The following ATAD2B variants were observed in gnomAD, a reference collection of about 807,000 sequenced individuals.
The protein encoded by ATAD2B is ATPase family AAA domain-containing protein 2B.
A neutral mutation model predicts 167.6 loss-of-function variants in ATAD2B; 40 were observed. The ratio of observed to expected loss-of-function variants is 0.24; its 90% CI spans 0.19 to 0.31. The LOEUF (loss-of-function observed/expected upper bound fraction) is 0.31, where lower values mean the gene tolerates loss of function less well. ATAD2B is among the 10% of genes least tolerant of loss of function. ATAD2B has a pLI of 1.00. For synonymous variants in ATAD2B, 579 were observed against 596.5 expected (o/e 0.97, Z 0.43); for missense variants, 1,242 against 1,757.2 (o/e 0.71, Z 5.24).
At chr2:23,760,725 C>CATAT (rs1676599050) in intron 24 of ATAD2B, among the ~76,000 whole-genome samples, 1 of 138,860 alleles carries the variant, frequency 7.2e-6, no homozygotes, top group South Asian at 2.3e-4. Context: ...CACACACACA[C>CATAT]ACACATATAC....
At position 23,926,725 on chromosome 2, in the gene ATAD2B, A is replaced by C; in HGVS notation, c.46T>G (p.Ser16Ala). The C allele has an allele frequency of 1.3e-6, 2 of 1,548,780 alleles. No individual in the cohort carries two copies. The highest frequency in any genetic ancestry group is 1.7e-6 in the Non-Finnish European group (2 of 1,146,522). Reference sequence around the variant, plus strand: ...CCAGGCCCAGGCCCGGGACCAGGAGACTTGGACCCGAGAAGGCGGAGAGAG... The same window carrying C: ...CCAGGCCCAGGCCCGGGACCAGGAGCCTTGGACCCGAGAAGGCGGAGAGAG... Reference protein sequence around the residue: ...KSSLRLLGSKSPGPGPGPGAG... With the variant: ...KSSLRLLGSKAPGPGPGPGAG... The change falls in exon 1 of 28, where the codon TCT becomes GCT. Residue 16 changes from serine (S) to alanine (A), a missense_variant. By Grantham distance (99) the Ser-to-Ala change is moderately conservative. Around this residue, in one of 9 missense-constraint regions of ATAD2B, gnomAD observed 199 missense variants for 194.9 expected, o/e 1.02. Transcript: ENST00000238789.
At chr2:23,888,313 A>G in intron 3 of ATAD2B, 37 bp downstream of exon 3, 2 of 1,416,534 alleles carry the variant, frequency 1.4e-6, no homozygotes, top group Non-Finnish European at 2.0e-6. Context: ...CATTGTAAGA[A>G]TTTTAAAACT....
chr2:23,765,739 G>C (rs1350492691), intron 22 of ATAD2B, 111 bp from the exon 23 acceptor site: 1 of 650,756 alleles, frequency 1.5e-6, no homozygotes, highest in Non-Finnish European at 2.3e-6. Flanking sequence ...GCATTGCTAG[G>C]TGAGAAAAAG....
chr2:23,892,421 C>CT (rs1254570468), intron 2 of ATAD2B, among the ~76,000 whole-genome samples: 1 of 151,954 alleles, frequency 6.6e-6, no homozygotes, highest in East Asian at 1.9e-4. Context: ...GCCTCGGCCT[C>CT]CCAAAGTGCT....
chr2:23,905,116 A>C (rs1281866658), intron 1 of ATAD2B, among the ~76,000 whole-genome samples: 1 of 152,218 alleles, frequency 6.6e-6, no homozygotes, highest in Non-Finnish European at 1.5e-5. Context: ...AAAGTCTATA[A>C]TAATTTAAAA....
In ATAD2B at chr2:23,833,943, G is replaced by C. The variant is rs1689482425; in HGVS notation, c.1704C>G (p.Phe568Leu). The change falls in exon 14 of 28, where the codon TTC (phenylalanine) becomes TTG (leucine). Residue 568 changes from phenylalanine to leucine, a missense_variant. Physicochemically the swap from Phe to Leu is conservative, Grantham distance 22. This residue lies in a region of ATAD2B where 151 missense variants were observed against 284.1 expected (regional missense o/e 0.53). Coordinates refer to ENST00000238789, the MANE Select transcript of ATAD2B (RefSeq NM_017552.4). ...CCTTTTGATCAGGCAGGTTGAAGAGGAATTCTCTGTCAAAACGACCAGGTC... is the reference window on the plus strand; with the variant it reads ...CCTTTTGATCAGGCAGGTTGAAGAGCAATTCTCTGTCAAAACGACCAGGTC... ...LRRPGRFDRE[F>L]LFNLPDQKAR... is the part of the protein sequence containing the mutation. 1 of 1,596,180 alleles carries C rather than the reference G, an allele frequency of 6.3e-7. No homozygotes were observed.
the ATAD2B span, among the ~76,000 whole-genome samples, chr2:23,737,840 A>G: frequency 3.3e-5 from 5 of 152,382 alleles, no homozygotes; most frequent in Admixed American, 2.6e-4. Flanking sequence ...TAACCAATGC[A>G]GAGAAGTCCT....
downstream of ATAD2B, among the ~76,000 whole-genome samples, chr2:23,746,965 C>T (rs556950725): frequency 1.3e-5 from 2 of 152,258 alleles, no homozygotes; most frequent in Non-Finnish European, 2.9e-5. Context: ...AAGACACGGA[C>T]TTTTTCTGTT....
intron 18 of ATAD2B, among the ~76,000 whole-genome samples, chr2:23,808,140 ACT>A (rs1319574076): frequency 4.7e-4 from 50 of 105,376 alleles, no homozygotes; most frequent in Non-Finnish European, 7.8e-4. Context: ...ATAAGTGATT[ACT>A]TATATTATAT....
At chr2:23,679,868 G>A in the ATAD2B span, among the ~76,000 whole-genome samples, 1 of 152,122 alleles carries the variant, frequency 6.6e-6, no homozygotes, top group Non-Finnish European at 1.5e-5. Flanking sequence ...AATACTGCTT[G>A]GCCAGATGGA....
the ATAD2B span, among the ~76,000 whole-genome samples, chr2:23,701,783 C>CT: frequency 4.2e-5 from 5 of 118,490 alleles, no homozygotes; most frequent in Admixed American, 1.1e-4. Flanking sequence ...GCACACATGG[C>CT]TTTTTTTTGC....
chr2:23,833,692 T>C (rs1386537103), intron 14 of ATAD2B, among the ~76,000 whole-genome samples: 1 of 152,210 alleles, frequency 6.6e-6, no homozygotes, highest in Non-Finnish European at 1.5e-5. Context: ...GCATCTACAG[T>C]GATCTATCAA....
chr2:23,744,660 C>T (rs1674710961), downstream of ATAD2B, among the ~76,000 whole-genome samples: 1 of 152,118 alleles, frequency 6.6e-6, no homozygotes, highest in South Asian at 2.1e-4. Flanking sequence ...AATAATTTGT[C>T]ACATGTTGCA....
At chr2:23,683,533 G>A in the ATAD2B span, among the ~76,000 whole-genome samples, 2 of 152,222 alleles carry the variant, frequency 1.3e-5, no homozygotes, top group East Asian at 3.9e-4. Flanking sequence ...CCTTGGGGTG[G>A]GTCTGGGAGA....
chr2:23,760,338 A>G (rs2712067), intron 24 of ATAD2B, among the ~76,000 whole-genome samples: 5,857 of 152,294 alleles, frequency 0.038, 110 homozygotes, highest in Admixed American at 0.046. Context: ...GCAAGAGTAT[A>G]TATTAGTATT....
At chr2:23,848,566 G>A (rs570956682) in intron 13 of ATAD2B, among the ~76,000 whole-genome samples, 5 of 152,246 alleles carry the variant, frequency 3.3e-5, no homozygotes, top group Non-Finnish European at 7.4e-5. Context: ...TATTATATGT[G>A]AAATGGCCTA....
intron 1 of ATAD2B, among the ~76,000 whole-genome samples, chr2:23,901,871 G>A (rs1450569088): frequency 6.6e-6 from 1 of 151,636 alleles, no homozygotes; most frequent in Admixed American, 6.6e-5. Context: ...TAAGTACTAT[G>A]TACCATTGAA....
the ATAD2B span, among the ~76,000 whole-genome samples, chr2:23,734,037 G>C: frequency 6.6e-6 from 1 of 152,194 alleles, no homozygotes; most frequent in Non-Finnish European, 1.5e-5. Context: ...TTGAGATGCC[G>C]TTAAGATAAC....
chr2:23,872,321 T>G, intron 8 of ATAD2B: 3 of 567,600 alleles, frequency 5.3e-6, no homozygotes, highest in South Asian at 3.0e-5. Context: ...AGGAACTGCA[T>G]GCACCTGATG....
Sources: allele counts gnomAD v4.1 joint callset (sites outside exome capture counted in the v4.1 genomes callset), GRCh38; gene constraint gnomAD v4.1.1; regional missense constraint gnomAD v4.1.1; transcripts MANE v1.5; gene names NCBI Gene and HGNC (gene_info 2026-07-23, HGNC 2026-07-21).